Variants in RIPOR2 observed in about 807,000 individuals in gnomAD.
RIPOR2 encodes RHO family interacting cell polarization regulator 2.
A neutral mutation model predicts 114.5 loss-of-function variants in RIPOR2; 39 were observed. The observed-to-expected ratio is 0.34, with a 90% CI of 0.26 to 0.44. RIPOR2 has a LOEUF of 0.44. Among genes scored for constraint, RIPOR2 ranks in the 20% least tolerant of loss-of-function variants. The pLI is 1.00. For missense variants in RIPOR2, 1,007 were observed against 1,255.1 expected, an observed-to-expected ratio of 0.80 and a Z score of 2.99; for synonymous variants, 445 against 484.4, an observed-to-expected ratio of 0.92 and a Z score of 1.07.
At chr6:24,954,939 G>A (rs909324267) in intron 1 of RIPOR2, among the ~76,000 whole-genome samples, 1 of 152,138 alleles carries the variant, frequency 6.6e-6, no homozygotes, top group Admixed American at 6.5e-5. Flanking sequence ...TCCTAATGTG[G>A]TATATATGGA....
rs2113789720 is a variant in RIPOR2, at chr6:24,852,616, G to T, written c.718C>A (p.Leu240Met). 2 of 1,589,532 alleles carry T rather than the reference G, an allele frequency of 1.3e-6. No homozygotes were observed. Among genetic ancestry groups the T allele is most frequent in the Non-Finnish European group, 1.7e-6 (2 of 1,172,588 alleles). ...GGACAGAGGCGTGCAAAGCCAGCCA[G>T]ACCTGTAACCAAGAAATTGGAAGGT... ...LGEFSIKMKG[L>M]AGFARLCPGD... The change falls in exon 9 of 22, where the codon CTG becomes ATG. Residue 240 changes from leucine (L) to methionine (M), a missense_variant and splice_region_variant. Leu to Met is a conservative substitution (Grantham distance 15, BLOSUM62 2). Transcript: ENST00000643898.
chr6:24,860,031 A>G (rs1413020717), intron 8 of RIPOR2, among the ~76,000 whole-genome samples: 2 of 152,172 alleles, frequency 1.3e-5, no homozygotes, highest in Non-Finnish European at 2.9e-5. Flanking sequence ...ATCTGACAAC[A>G]CCTGAGCAAT....
chr6:25,013,873 A>G (rs1463520224), intron 1 of RIPOR2, among the ~76,000 whole-genome samples: 1 of 152,254 alleles, frequency 6.6e-6, no homozygotes, highest in African/African-American at 2.4e-5. Flanking sequence ...AATTCAAGCC[A>G]GACACTTGCA....
intron 6 of RIPOR2, among the ~76,000 whole-genome samples, chr6:24,868,413 A>AT (rs1764835816): frequency 6.6e-6 from 1 of 152,158 alleles, no homozygotes; most frequent in South Asian, 2.1e-4. Context: ...ACAAACAGGA[A>AT]TTGATAATGG....
At chr6:24,837,788 T>A (rs2113705681) in intron 14 of RIPOR2, among the ~76,000 whole-genome samples, 1 of 152,274 alleles carries the variant, frequency 6.6e-6, no homozygotes, top group Admixed American at 6.5e-5. Flanking sequence ...TGGGGTAAAT[T>A]CAAGTTCTCA....
chr6:24,914,696 C>T lies in RIPOR2; in HGVS notation c.61+21142G>A, dbSNP rs76840853. Among the ~76,000 whole-genome samples, 359 of 152,318 alleles carry T rather than the reference C, an allele frequency of 2.4e-3. 2 individuals carry two copies. In the South Asian group the frequency reaches 0.024, roughly 10 times the overall value. ...AGCCAGTGTGTGGTTGAAGAACGGA[C>T]TCAGCCAAACAAGTCTTATGGTTCT... On this transcript the variant is annotated intron_variant, in intron 1 of 21. Transcript: ENST00000643898.
chr6:24,984,323 G>C (rs146273052), intron 1 of RIPOR2, among the ~76,000 whole-genome samples: 179 of 152,214 alleles, frequency 1.2e-3, no homozygotes, highest in East Asian at 6.8e-3. Flanking sequence ...CAGGTTTTGG[G>C]ATAGGGGGTG....
At position 24,805,672 on chromosome 6, in the gene RIPOR2, C is replaced by A. The variant is rs1212844023; in HGVS notation, c.*701G>T. On this transcript the variant is annotated 3_prime_UTR_variant, in exon 22 of 22. Transcript: ENST00000643898. ...GGACTACTCAACCCTGAGAACACGACCGAGAAAAACTGCAAGGCATATGAT... is the reference window on the plus strand; with the variant it reads ...GGACTACTCAACCCTGAGAACACGAACGAGAAAAACTGCAAGGCATATGAT... 6.6e-6 allele frequency: 1 copy of A among 152,040 alleles called. No homozygotes were observed. Among genetic ancestry groups the A allele is most frequent in the Non-Finnish European group, 1.5e-5 (1 of 67,998 alleles). The allele number at this position is 152,040 out of a possible 1,614,324, so 9.4% of individuals were successfully genotyped here.
At chr6:24,984,358 G>C (rs1053717395) in intron 1 of RIPOR2, among the ~76,000 whole-genome samples, 4 of 152,206 alleles carry the variant, frequency 2.6e-5, no homozygotes, top group South Asian at 4.2e-4. Context: ...GCGGGCAGGG[G>C]TGGATCTCAC....
chr6:24,915,432 G>A (rs1052384554), intron 1 of RIPOR2, among the ~76,000 whole-genome samples: 10 of 148,402 alleles, frequency 6.7e-5, no homozygotes, highest in Admixed American at 1.4e-4. Context: ...TCAGCTCACT[G>A]CAACCTCCAC....
chr6:25,007,321 G>T (rs551526662), intron 1 of RIPOR2, among the ~76,000 whole-genome samples: 14 of 152,150 alleles, frequency 9.2e-5, no homozygotes, highest in Non-Finnish European at 1.9e-4. Context: ...TGATATTGTT[G>T]GTCTTATCCT....
intron 1 of RIPOR2, among the ~76,000 whole-genome samples, chr6:24,895,992 A>AAAAT (rs1211054798): frequency 9.2e-5 from 14 of 152,258 alleles, no homozygotes; most frequent in South Asian, 6.2e-4. Flanking sequence ...CTCCGTCTCA[A>AAAAT]AAATAAATAA....
chr6:25,005,738 T>TATACATACAC (rs1554130561), intron 1 of RIPOR2, among the ~76,000 whole-genome samples: 4 of 70,700 alleles, frequency 5.7e-5, no homozygotes, highest in Non-Finnish European at 1.3e-4. Flanking sequence ...TATATATATA[T>TATACATACAC]ATACATTTAC....
At chr6:25,028,937 A>G (rs776481299) in intron 1 of RIPOR2, among the ~76,000 whole-genome samples, 24 of 152,322 alleles carry the variant, frequency 1.6e-4, no homozygotes, top group Non-Finnish European at 2.6e-4. Context: ...GACTGAGAGA[A>G]GGCACCATTG....
intron 1 of RIPOR2, among the ~76,000 whole-genome samples, chr6:24,895,347 C>T (rs1767756810): frequency 6.6e-6 from 1 of 152,124 alleles, no homozygotes; most frequent in Admixed American, 6.5e-5. Flanking sequence ...CCGCACCCGG[C>T]ACCTGGGGAG....
chr6:24,977,194 C>T (rs184155596), intron 1 of RIPOR2, among the ~76,000 whole-genome samples: 55 of 148,608 alleles, frequency 3.7e-4, no homozygotes, highest in Admixed American at 6.2e-4. Context: ...ACAACAACAA[C>T]AAAAAGAAAC....
intron 1 of RIPOR2, among the ~76,000 whole-genome samples, chr6:25,011,105 T>A (rs1283434134): frequency 2.0e-5 from 3 of 152,182 alleles, no homozygotes; most frequent in Non-Finnish European, 4.4e-5. Context: ...TGAAAAAAAA[T>A]TTGTTTTTAC....
intron 1 of RIPOR2, among the ~76,000 whole-genome samples, chr6:24,992,727 A>G (rs1405088867): frequency 6.6e-6 from 1 of 152,230 alleles, no homozygotes; most frequent in Non-Finnish European, 1.5e-5. Flanking sequence ...TTTAAAATTT[A>G]TACAGAACTA....
intron 1 of RIPOR2, among the ~76,000 whole-genome samples, chr6:24,934,167 C>T (rs538477135): frequency 4.6e-5 from 7 of 152,168 alleles, no homozygotes; most frequent in Non-Finnish European, 7.3e-5. Context: ...TTTTTCCGTT[C>T]TAAGCTTATC....
Sources: gnomAD v4.1 joint callset for allele counts (sites outside exome capture counted in the v4.1 genomes callset) on GRCh38, gnomAD v4.1.1 for gene constraint, MANE v1.5 for transcripts, NCBI Gene and HGNC (gene_info 2026-07-23, HGNC 2026-07-21) for gene names.